MARK1: variants seen among roughly 807,000 people sequenced by gnomAD.
MARK1 encodes serine/threonine-protein kinase MARK1.
Under a neutral mutation model 96.3 loss-of-function variants are expected in MARK1, and 40 were observed. The ratio of observed to expected loss-of-function variants is 0.42; its 90% CI spans 0.32 to 0.54. The LOEUF (loss-of-function observed/expected upper bound fraction) is 0.54. MARK1 is among the 20% of genes least tolerant of loss of function. The probability of loss-of-function intolerance (pLI) is 0.16; values close to 1 mark genes in which losing one functional copy is unlikely to be tolerated. For synonymous variants in MARK1, 317 were observed against 341.2 expected (o/e 0.93, Z 0.78); for missense variants, 719 against 984.6 (o/e 0.73, Z 3.61).
intron 13 of MARK1, among the ~76,000 whole-genome samples, chr1:220,636,607 A>G (rs1667979189): frequency 6.6e-6 from 1 of 152,152 alleles, no homozygotes; most frequent in African/African-American, 2.4e-5. Flanking sequence ...ATAATAACAA[A>G]AAATAAAGAG....
chr1:220,645,068 A>G (rs143947045), intron 13 of MARK1, among the ~76,000 whole-genome samples: 2 of 152,316 alleles, frequency 1.3e-5, no homozygotes, highest in African/African-American at 2.4e-5. Context: ...AGAAATAACC[A>G]AGCTCAGAGC....
chr1:220,543,517 C>A (rs951261516), intron 1 of MARK1, among the ~76,000 whole-genome samples: 5 of 152,030 alleles, frequency 3.3e-5, no homozygotes, highest in African/African-American at 1.2e-4. Flanking sequence ...GCTAAAAATA[C>A]CTTGGACTGT....
chr1:220,644,663 T>C (rs537729311), intron 13 of MARK1, among the ~76,000 whole-genome samples: 1 of 152,168 alleles, frequency 6.6e-6, no homozygotes, highest in East Asian at 1.9e-4. Context: ...TACTCTAAAA[T>C]TGATCACATA....
intron 1 of MARK1, among the ~76,000 whole-genome samples, chr1:220,551,885 T>C (rs969228094): frequency 1.3e-5 from 2 of 152,044 alleles, no homozygotes; most frequent in African/African-American, 2.4e-5. Context: ...TTCAGCTGAG[T>C]TTTGTTCTTT....
intron 1 of MARK1, among the ~76,000 whole-genome samples, chr1:220,556,362 C>T (rs965055175): frequency 1.1e-4 from 17 of 151,464 alleles, no homozygotes; most frequent in African/African-American, 3.9e-4. Flanking sequence ...TGCTATATGT[C>T]GAGTAGAAAC....
chr1:220,583,041 T>C (rs17007991), intron 3 of MARK1, among the ~76,000 whole-genome samples: 9,876 of 152,218 alleles, frequency 0.065, 999 homozygotes, highest in African/African-American at 0.22. Flanking sequence ...ATTTGACCTT[T>C]CCCATTTAGG....
chr1:220,528,965 G>T, intron 1 of MARK1, 92 bp downstream of exon 1: 1 of 1,342,910 alleles, frequency 7.4e-7, no homozygotes, highest in Non-Finnish European at 1.0e-6. Flanking sequence ...CCCGTGCCTC[G>T]GCGCGGCCAC....
intron 3 of MARK1, 30 bp downstream of exon 3, chr1:220,581,148 A>G: frequency 2.4e-6 from 2 of 819,450 alleles, no homozygotes; most frequent in East Asian, 3.0e-5. Flanking sequence ...AGTAATTAAA[A>G]TGTGAGTTTA....
intron 1 of MARK1, among the ~76,000 whole-genome samples, chr1:220,535,998 GTGGTTCCATATGAA>G (rs1660656154): frequency 2.6e-5 from 4 of 151,356 alleles, no homozygotes; most frequent in Admixed American, 2.0e-4. Flanking sequence ...AGGGTCCTTT[GTGGTTCCATATGAA>G]TTTTATACTT....
intron 1 of MARK1, among the ~76,000 whole-genome samples, chr1:220,577,433 A>T (rs981056980): frequency 3.3e-5 from 5 of 152,358 alleles, no homozygotes; most frequent in African/African-American, 1.2e-4. Context: ...CAGGTAATAG[A>T]AGAGTCTCCA....
intron 6 of MARK1, among the ~76,000 whole-genome samples, chr1:220,611,516 C>A (rs969385734): frequency 5.9e-5 from 9 of 152,118 alleles, no homozygotes. Context: ...AATACCCCAA[C>A]CCCTCGTGCC....
At chr1:220,633,929 A>C (rs1667808204) in intron 11 of MARK1, among the ~76,000 whole-genome samples, 1 of 152,176 alleles carries the variant, frequency 6.6e-6, no homozygotes, top group Admixed American at 6.5e-5. Flanking sequence ...TGAATAATTA[A>C]TAGATTTGGA....
chr1:220,656,788 A>AT (rs3835573), intron 16 of MARK1, among the ~76,000 whole-genome samples: 4 of 150,912 alleles, frequency 2.7e-5, no homozygotes, highest in Admixed American at 2.0e-4. Context: ...AGATAGAAAA[A>AT]TTTTTTTTTT....
chr1:220,559,420 G>T (rs747925425), intron 1 of MARK1, among the ~76,000 whole-genome samples: 1 of 152,198 alleles, frequency 6.6e-6, no homozygotes, highest in African/African-American at 2.4e-5. Flanking sequence ...AGTAAACACA[G>T]AGAAGTGATA....
intron 17 of MARK1, among the ~76,000 whole-genome samples, chr1:220,659,815 A>C (rs578233730): frequency 1.3e-5 from 2 of 152,122 alleles, no homozygotes; most frequent in African/African-American, 4.8e-5. Context: ...TTCTGAGACA[A>C]AGTTTTGCTC....
At position 220,618,870 on chromosome 1, in the gene MARK1, C is replaced by T; in HGVS notation, c.909+115C>T. ...AAAATTGCCAAATTATCTAATCTGC[C>T]TTTTGTTTGTAGGTAGGGAAAATTA... On this transcript the variant is annotated intron_variant, in intron 9 of 17. Transcript: ENST00000366917. The surrounding 1 kb of genome is among the most constrained non-coding windows in gnomAD (Gnocchi z 4.6). The T allele has an allele frequency of 1.1e-6, 1 of 903,940 alleles. No homozygotes were observed. The highest frequency in any genetic ancestry group is 1.6e-6 in the Non-Finnish European group (1 of 626,402). 56.0% of individuals were successfully genotyped at this position (903,940 alleles called of 1,614,324 possible). A position where few individuals can be genotyped will look rare whatever the true frequency, so the allele number is the denominator to read the frequency against.
Position 220,662,195 on chromosome 1 carries a change from GATAC to G in MARK1, c.*37_*40del, listed in dbSNP as rs1172607569. 5 of 1,529,430 alleles carry G rather than the reference GATAC, an allele frequency of 3.3e-6. No individual in the cohort carries two copies. The African/African-American group carries it at 4.1e-5, about 13-fold the overall frequency. The allele number at this position is 1,529,430 out of a possible 1,614,324, so 94.7% of individuals were successfully genotyped here. ...AGTCCAAATTTACAGGTTCAGGGAA[GATAC>G]ATACATATATGAGGTACAGTTTTTG... On this transcript the variant is annotated 3_prime_UTR_variant, in exon 18 of 18. Transcript: ENST00000366917.
At chr1:220,572,199 T>C (rs1663516266) in intron 1 of MARK1, among the ~76,000 whole-genome samples, 1 of 152,308 alleles carries the variant, frequency 6.6e-6, no homozygotes, top group African/African-American at 2.4e-5. Flanking sequence ...CATAACTTGA[T>C]AGTGTTGTTC....
intron 13 of MARK1, among the ~76,000 whole-genome samples, chr1:220,645,746 C>A (rs1185229036): frequency 6.6e-6 from 1 of 152,142 alleles, no homozygotes; most frequent in African/African-American, 2.4e-5. Context: ...AAGGCTGGTT[C>A]AACATACGTG....
Sources: allele counts gnomAD v4.1 joint callset (sites outside exome capture counted in the v4.1 genomes callset), GRCh38; gene constraint gnomAD v4.1.1; non-coding constraint Gnocchi (gnomAD v3.1); transcripts MANE v1.5; gene names NCBI Gene and HGNC (gene_info 2026-07-23, HGNC 2026-07-21).